SIPA1L1: variants seen among roughly 807,000 people sequenced by gnomAD.
SIPA1L1 encodes the protein signal induced proliferation associated 1 like 1.
In SIPA1L1, 26 loss-of-function variants were observed where a neutral mutation model predicts 162.7. The ratio of observed to expected loss-of-function variants is 0.16; its 90% CI spans 0.12 to 0.22. The LOEUF (loss-of-function observed/expected upper bound fraction) is 0.22, where lower values mean the gene tolerates loss of function less well. Among genes scored for constraint, SIPA1L1 ranks in the 10% least tolerant of loss-of-function variants. The pLI is 1.00. For missense variants in SIPA1L1, 1,874 were observed against 2,241.0 expected (o/e 0.84, Z 3.31); for synonymous variants, 829 against 837.4 (o/e 0.99, Z 0.17).
chr14:71,569,603 T>G (rs1386651940), intron 4 of SIPA1L1, among the ~76,000 whole-genome samples: 1 of 152,162 alleles, frequency 6.6e-6, no homozygotes, highest in Non-Finnish European at 1.5e-5. Flanking sequence ...ACCCTCTGTC[T>G]GATTTAAGAA....
intron 2 of SIPA1L1, among the ~76,000 whole-genome samples, chr14:71,451,632 C>CAAAAAAAA (rs762968378): frequency 1.8e-5 from 1 of 54,392 alleles, no homozygotes. Flanking sequence ...GACCTTGTCT[C>CAAAAAAAA]AAAAAAAAAA....
chr14:71,536,869 A>G (rs1397005537), intron 4 of SIPA1L1, among the ~76,000 whole-genome samples: 1 of 152,278 alleles, frequency 6.6e-6, no homozygotes, highest in East Asian at 1.9e-4. Context: ...TTTAGCATTT[A>G]AATACCTGAA....
chr14:71,478,405 G>C (rs1450996542), intron 2 of SIPA1L1, among the ~76,000 whole-genome samples: 1 of 151,950 alleles, frequency 6.6e-6, no homozygotes, highest in Non-Finnish European at 1.5e-5. Context: ...TTTTTTTAAA[G>C]TACAGTGGGG....
rs2039466385 is a variant in SIPA1L1, at chr14:71,377,203, C to G, written c.-465+56022C>G. Among the ~76,000 whole-genome samples the G allele has an allele frequency of 6.7e-6, 1 of 149,394 alleles. No homozygotes were observed. The highest frequency in any genetic ancestry group is 1.5e-5 in the Non-Finnish European group (1 of 67,032). On this transcript the variant is annotated intron_variant, in intron 2 of 23. Coordinates refer to ENST00000381232, the MANE Select transcript of SIPA1L1 (RefSeq NM_001386936.1). The surrounding 1 kb of genome is among the most constrained non-coding windows in gnomAD (Gnocchi z 4.8). ...GGGCGGCGGCCGGGTGGGGGCGCCC[C>G]CCCACCTCCCAGATGGGGTGGCGGC...
chr14:71,580,595 C>G (rs1335512521), intron 4 of SIPA1L1, among the ~76,000 whole-genome samples: 5 of 152,170 alleles, frequency 3.3e-5, no homozygotes, highest in Non-Finnish European at 7.3e-5. Context: ...CTTTAGTACT[C>G]TCTACTTTAT....
At chr14:71,731,007 G>A (rs180727465) in intron 20 of SIPA1L1, among the ~76,000 whole-genome samples, 1 of 152,270 alleles carries the variant, frequency 6.6e-6, no homozygotes, top group East Asian at 1.9e-4. Context: ...GCCCAGCACA[G>A]CAGATGCCTG....
At chr14:71,457,928 A>G (rs541369134) in intron 2 of SIPA1L1, among the ~76,000 whole-genome samples, 14 of 152,192 alleles carry the variant, frequency 9.2e-5, no homozygotes, top group South Asian at 4.2e-4. Flanking sequence ...GGAGTTCCTT[A>G]TATGTCCTAG....
chr14:71,387,120 T>C (rs1315706706), intron 2 of SIPA1L1, among the ~76,000 whole-genome samples: 3 of 152,010 alleles, frequency 2.0e-5, no homozygotes, highest in African/African-American at 4.8e-5. Context: ...TGGTGGCGCA[T>C]GCCTGTAATC....
intron 2 of SIPA1L1, among the ~76,000 whole-genome samples, chr14:71,323,281 C>G (rs2033348350): frequency 6.6e-6 from 1 of 152,104 alleles, no homozygotes; most frequent in African/African-American, 2.4e-5. Context: ...TATGTTCTAT[C>G]TTAAGTTGCA....
At chr14:71,693,722 CTTT>C (rs377621033) in intron 13 of SIPA1L1, among the ~76,000 whole-genome samples, 1 of 139,342 alleles carries the variant, frequency 7.2e-6, no homozygotes, top group Admixed American at 7.2e-5. Flanking sequence ...TTTTTCTTTT[CTTT>C]TTTTTTTTTT....
intron 7 of SIPA1L1, among the ~76,000 whole-genome samples, chr14:71,633,006 A>G (rs1036542115): frequency 1.3e-5 from 2 of 152,238 alleles, no homozygotes; most frequent in South Asian, 2.1e-4. Flanking sequence ...GGAAAATTTG[A>G]TCAACACATG....
At chr14:71,607,017 A>G (rs1032167075) in intron 5 of SIPA1L1, among the ~76,000 whole-genome samples, 1 of 152,130 alleles carries the variant, frequency 6.6e-6, no homozygotes, top group African/African-American at 2.4e-5. Context: ...AAGATTGGCT[A>G]GATGATTGAA....
In SIPA1L1 at chr14:71,388,933, A is replaced by G. The variant is rs551568485; in HGVS notation, c.-465+67752A>G. 4.8e-4 allele frequency among the ~76,000 whole-genome samples: 73 copies of G among 152,114 alleles called. 1 individual carries two copies. The highest frequency in any genetic ancestry group is 9.6e-4 in the Non-Finnish European group (65 of 67,972). ...ATTTTTTACCACCTTACCTATATAA[A>G]TAGGTTTTTAGTTTTTGTTGTTGTT... is the stretch of plus-strand genomic sequence containing the variant. On this transcript the variant is annotated intron_variant, in intron 2 of 23. Transcript: ENST00000381232.
chr14:71,704,926 C>G (rs1174598815), intron 15 of SIPA1L1: 5 of 671,722 alleles, frequency 7.4e-6, no homozygotes, highest in African/African-American at 1.8e-5. Flanking sequence ...ATTTTTCCCC[C>G]AAACCAAAAG....
At chr14:71,391,103 C>CTTTTTTTTTTTTTTTTTTTTTTTT (rs36003254) in intron 2 of SIPA1L1, among the ~76,000 whole-genome samples, 1 of 108,460 alleles carries the variant, frequency 9.2e-6, no homozygotes, top group Non-Finnish European at 1.8e-5. Flanking sequence ...TATTCAGTAT[C>CTTTTTTTTTTTTTTTTTTTTTTTT]TTTTTTTTTT....
At chr14:71,573,745 A>G (rs887526276) in intron 4 of SIPA1L1, 2 of 456,492 alleles carry the variant, frequency 4.4e-6, no homozygotes, top group Non-Finnish European at 8.8e-6. Flanking sequence ...AACAATATCC[A>G]TTATCTCTAG....
chr14:71,708,414 T>A (rs911172315), intron 16 of SIPA1L1, among the ~76,000 whole-genome samples: 1 of 151,294 alleles, frequency 6.6e-6, no homozygotes, highest in African/African-American at 2.4e-5. Context: ...AGCCTCAACC[T>A]CCTGGGCTCA....
At chr14:71,367,525 G>T (rs2038436877) in intron 2 of SIPA1L1, among the ~76,000 whole-genome samples, 1 of 150,528 alleles carries the variant, frequency 6.6e-6, no homozygotes, top group Admixed American at 6.6e-5. Flanking sequence ...AGCCAGGATG[G>T]TCTCGATCTC....
intron 20 of SIPA1L1, 91 bp from the exon 21 acceptor site, chr14:71,733,575 T>C: frequency 7.6e-7 from 1 of 1,314,140 alleles, no homozygotes; most frequent in South Asian, 1.3e-5. Flanking sequence ...ACAAATGGCT[T>C]ACAATCTATT....
Sources: gnomAD v4.1 joint callset for allele counts (sites outside exome capture counted in the v4.1 genomes callset) on GRCh38, gnomAD v4.1.1 for gene constraint, Gnocchi (gnomAD v3.1) non-coding constraint, MANE v1.5 for transcripts, NCBI Gene and HGNC (gene_info 2026-07-23, HGNC 2026-07-21) for gene names.